Variants in SEC14L1 observed in about 807,000 individuals in gnomAD.
The protein encoded by SEC14L1 is SEC14 like lipid binding 1, also known as SEC14-like protein 1.
Under a neutral mutation model 85.3 loss-of-function variants are expected in SEC14L1, and 48 were observed. That is an observed-to-expected ratio of 0.56 (90% CI 0.45 to 0.72). SEC14L1 has a LOEUF of 0.72. Ranked by LOEUF, SEC14L1 falls within the 30% of genes least tolerant of loss-of-function variation. The probability of loss-of-function intolerance (pLI) is 0.00; values close to 1 mark genes in which losing one functional copy is unlikely to be tolerated. For missense variants in SEC14L1, 682 were observed against 921.4 expected (o/e 0.74, Z 3.36); for synonymous variants, 391 against 355.5 (o/e 1.10, Z -1.12).
rs780874685 is a variant in SEC14L1, at chr17:77,213,343, C to T, written c.1893C>T (p.Phe631=). ...QGSHVTRWPG[F]YILQWKFHSM... The stretch of plus-strand genomic sequence containing the variant: ...CCCATGTGACCAGGTGGCCGGGCTT[C>T]TACATCCTGCAGTGGAAATTCCACA... The change falls in exon 16 of 17, where the codon TTC becomes TTT. Residue 631 remains phenylalanine, a synonymous_variant. Transcript: ENST00000436233. The surrounding 1 kb of genome is among the most constrained non-coding windows in gnomAD (Gnocchi z 7.1). The T allele has an allele frequency of 3.1e-6, 5 of 1,612,874 alleles. No homozygotes were observed. The highest frequency in any genetic ancestry group is 1.7e-4 in the Middle Eastern group (1 of 6,060).
intron 10 of SEC14L1, among the ~76,000 whole-genome samples, chr17:77,204,551 A>G (rs936628239): frequency 8.3e-6 from 1 of 120,612 alleles, no homozygotes; most frequent in Non-Finnish European, 1.8e-5. Context: ...TTTTTTTTTA[A>G]AGAGACATCG....
chr17:77,201,200 C>G, intron 9 of SEC14L1, among the ~76,000 whole-genome samples: 1 of 152,134 alleles, frequency 6.6e-6, no homozygotes, highest in Non-Finnish European at 1.5e-5. Context: ...AAACACAGTT[C>G]CCCCAAATGC....
upstream of SEC14L1, among the ~76,000 whole-genome samples, chr17:77,136,342 TTCC>T (rs1243962658): frequency 8.0e-6 from 1 of 125,026 alleles, no homozygotes; most frequent in Non-Finnish European, 1.8e-5. Flanking sequence ...CCTCCCTTCC[TTCC>T]TTTCTCTTTC....
At chr17:77,200,901 C>T (rs1434107045) in intron 9 of SEC14L1, among the ~76,000 whole-genome samples, 1 of 152,238 alleles carries the variant, frequency 6.6e-6, no homozygotes, top group African/African-American at 2.4e-5. Flanking sequence ...ACTGCTCTTT[C>T]CTCATGGACA....
intron 3 of SEC14L1, among the ~76,000 whole-genome samples, chr17:77,166,313 G>A (rs924615504): frequency 6.6e-6 from 1 of 152,182 alleles, no homozygotes; most frequent in African/African-American, 2.4e-5. Context: ...AATGCTGCAA[G>A]TTGAAGATGA....
chr17:77,193,665 G>A (rs1975654095), intron 6 of SEC14L1, 116 bp downstream of exon 6: 1 of 1,087,028 alleles, frequency 9.2e-7, no homozygotes. Flanking sequence ...TTGGGTGGAA[G>A]ATGCTATGAT....
At chr17:77,120,570 A>G (rs590748) in intron 3 of SEC14L1, among the ~76,000 whole-genome samples, 148,989 of 151,614 alleles carry the variant, frequency 0.98, 73,214 homozygotes, top group East Asian at 1. Context: ...TCTGCCTCCC[A>G]GGTTCAAGCG....
At position 77,216,943 on chromosome 17, in the gene SEC14L1, T is replaced by G. The variant is rs1977132566; in HGVS notation, c.*2920T>G. ...TAATGATTCTTTGATTCTCCCTCTA[T>G]TATGTCTTAATTCACTTTCCTTCCT... On this transcript the variant is annotated 3_prime_UTR_variant, in exon 17 of 17. Coordinates refer to ENST00000436233, the MANE Select transcript of SEC14L1 (RefSeq NM_001143998.2). The G allele has an allele frequency of 5.1e-6, 1 of 195,400 alleles. No individual in the cohort carries two copies. Among genetic ancestry groups the G allele is most frequent in the Non-Finnish European group, 1.1e-5 (1 of 93,658 alleles). The allele number at this position is 195,400 out of a possible 1,614,324, so 12.1% of individuals were successfully genotyped here.
chr17:77,201,527 T>G (rs923827923), intron 9 of SEC14L1, among the ~76,000 whole-genome samples: 2 of 151,306 alleles, frequency 1.3e-5, no homozygotes, highest in Admixed American at 1.3e-4. Flanking sequence ...CTCAGCCTAC[T>G]GCACCCTCCA....
At chr17:77,194,539 G>A (rs1258500629) in intron 6 of SEC14L1, 138 bp from the exon 7 acceptor site, 5 of 659,342 alleles carry the variant, frequency 7.6e-6, no homozygotes, top group African/African-American at 5.6e-5. Context: ...GCCACAAAGC[G>A]AGACCCTGTC....
chr17:77,191,183 T>C lies in SEC14L1; in HGVS notation c.216T>C (p.Ile72=). The change falls in exon 5 of 17, where the codon ATT becomes ATC. Residue 72 remains isoleucine (I), a splice_region_variant and synonymous_variant. Transcript: ENST00000436233. ...DVDAPRLLKK[I]AGVDYVYFVQ... ...TTCTCTTTCTTTTTTTTTTGAAGAT[T>C]GCAGGAGTTGATTATGTTTATTTTG... The C allele has an allele frequency of 6.2e-7, 1 of 1,612,308 alleles. No homozygotes were observed. The highest frequency in any genetic ancestry group is 8.5e-7 in the Non-Finnish European group (1 of 1,178,510).
At chr17:77,205,070 G>A in intron 10 of SEC14L1, 2 of 546,224 alleles carry the variant, frequency 3.7e-6, no homozygotes, top group Non-Finnish European at 6.6e-6. Context: ...ACACATGACA[G>A]TGTTTATTCT....
chr17:77,155,501 C>G (rs1973766626), intron 3 of SEC14L1, among the ~76,000 whole-genome samples: 1 of 152,150 alleles, frequency 6.6e-6, no homozygotes, highest in South Asian at 2.1e-4. Context: ...TGCTGGTGCC[C>G]AGATGGGAGC....
At chr17:77,089,087 G>A (rs1971441691) in intron 1 of SEC14L1, 1 of 239,106 alleles carries the variant, frequency 4.2e-6, no homozygotes, top group African/African-American at 2.4e-5. Flanking sequence ...CAGGTTTCTA[G>A]GAGTGTGGTA....
chr17:77,211,844 C>T, intron 14 of SEC14L1, 106 bp from the exon 15 acceptor site: 1 of 1,453,094 alleles, frequency 6.9e-7, no homozygotes, highest in Non-Finnish European at 9.3e-7. Flanking sequence ...TTTCCCTCCC[C>T]AGCTTCAGCA....
chr17:77,162,278 A>G (rs1974100358), intron 3 of SEC14L1, among the ~76,000 whole-genome samples: 1 of 152,236 alleles, frequency 6.6e-6, no homozygotes, highest in Non-Finnish European at 1.5e-5. Flanking sequence ...ATAATCCCAC[A>G]GATGGTAGCT....
upstream of SEC14L1, among the ~76,000 whole-genome samples, chr17:77,139,069 A>G (rs1972880063): frequency 6.6e-6 from 1 of 151,776 alleles, no homozygotes; most frequent in South Asian, 2.1e-4. Flanking sequence ...TACTTTGCCA[A>G]TTGTTTTTCA....
intron 8 of SEC14L1, among the ~76,000 whole-genome samples, chr17:77,198,327 A>C (rs1040700457): frequency 6.6e-6 from 1 of 152,226 alleles, no homozygotes; most frequent in African/African-American, 2.4e-5. Flanking sequence ...TGTAAACCCA[A>C]ATATAAAACC....
chr17:77,211,961 G>C lies in SEC14L1; in HGVS notation c.1623G>C (p.Gln541His). The C allele has an allele frequency of 2.5e-6, 4 of 1,614,066 alleles. No individual in the cohort carries two copies. The highest frequency in any genetic ancestry group is 1.7e-6 in the Non-Finnish European group (2 of 1,179,998). The change falls in exon 15 of 17, where the codon CAG becomes CAC. Residue 541 changes from glutamine (Q) to histidine (H), a missense_variant. Gln to His is a conservative substitution (Grantham distance 24). Coordinates refer to ENST00000436233, the MANE Select transcript of SEC14L1 (RefSeq NM_001143998.2). ...TGCCTCTTTTTCAGATTCTCATTCA[G>C]ATTGTGGATGCCTCGTCAGTCATCA... Reference protein sequence around the residue: ...FKGAPHEILIQIVDASSVITW... With the variant: ...FKGAPHEILIHIVDASSVITW...
Sources: allele counts gnomAD v4.1 joint callset (sites outside exome capture counted in the v4.1 genomes callset), GRCh38; gene constraint gnomAD v4.1.1; non-coding constraint Gnocchi (gnomAD v3.1); transcripts MANE v1.5; gene names NCBI Gene and HGNC (gene_info 2026-07-23, HGNC 2026-07-21).